The following RTTN variants were observed in gnomAD, a reference collection of about 807,000 sequenced individuals.
RTTN encodes the protein rotatin.
RTTN carries 182 observed loss-of-function variants against 269.2 expected under a neutral mutation model. That is an observed-to-expected ratio of 0.68 (90% confidence interval 0.60 to 0.76). The LOEUF (loss-of-function observed/expected upper bound fraction) is 0.76, where lower values mean the gene tolerates loss of function less well. Among genes scored for constraint, RTTN ranks in the 30% least tolerant of loss-of-function variants. The pLI, the probability that RTTN is intolerant of heterozygous loss-of-function variation, is 0.00. For synonymous variants in RTTN, 1,006 were observed against 963.5 expected, an observed-to-expected ratio of 1.04 and a Z score of -0.82; for missense variants, 2,545 against 2,608.6, an observed-to-expected ratio of 0.98 and a Z score of 0.53.
At chr18:70,159,615 T>C (rs546471271) in intron 14 of RTTN, among the ~76,000 whole-genome samples, 1 of 151,676 alleles carries the variant, frequency 6.6e-6, no homozygotes, top group Admixed American at 6.6e-5. Context: ...ACACAAAAAT[T>C]CACACAAAAG....
Position 70,106,652 on chromosome 18 carries a change from T to C in RTTN, c.3903+2846A>G, listed in dbSNP as rs75795486. Among the ~76,000 whole-genome samples, 732 of 152,062 alleles carry C rather than the reference T, an allele frequency of 4.8e-3. 3 individuals are homozygous for C. Among genetic ancestry groups the C allele is most frequent in the African/African-American group, 0.017 (689 of 41,478 alleles). On this transcript the variant is annotated intron_variant, in intron 28 of 48. Transcript: ENST00000640769. ...TCAGAGATGTGGGAAAAAACTACAA[T>C]GGAGGCAAATCTCTAAATGCAAAAT...
intron 42 of RTTN, 100 bp downstream of exon 42, chr18:70,029,912 C>T: frequency 1.3e-6 from 1 of 797,798 alleles, no homozygotes; most frequent in East Asian, 2.5e-5. Context: ...TACCTTTCTT[C>T]TAAATGAGAC....
chr18:70,072,164 C>T (rs918209280), intron 34 of RTTN, among the ~76,000 whole-genome samples: 5 of 151,890 alleles, frequency 3.3e-5, no homozygotes, highest in South Asian at 2.1e-4. Flanking sequence ...AATTAGGGTA[C>T]GAAGACTATT....
chr18:70,065,760 C>A (rs2058116019), intron 35 of RTTN, 69 bp downstream of exon 35: 1 of 1,035,106 alleles, frequency 9.7e-7, no homozygotes, highest in Admixed American at 2.6e-5. Context: ...CATTTACTTT[C>A]AAAATATCTG....
At chr18:70,186,073 TC>T (rs376667723) in intron 10 of RTTN, among the ~76,000 whole-genome samples, 4 of 109,408 alleles carry the variant, frequency 3.7e-5, no homozygotes, top group African/African-American at 1.2e-4. Context: ...GAATGCCCTC[TC>T]CCCCCCAAAA....
Position 70,118,617 on chromosome 18 carries a change from C to T in RTTN, c.3528+2939G>A, listed in dbSNP as rs542976278. On this transcript the variant is annotated intron_variant, in intron 26 of 48. Coordinates refer to ENST00000640769, the MANE Select transcript of RTTN (RefSeq NM_173630.4). ...GCATTACACTGATACCAAAGCCAGA[C>T]GTGGGAACTACAAGAAAAGAAAATT... 4.3e-3 allele frequency among the ~76,000 whole-genome samples: 657 copies of T among 152,150 alleles called. 2 individuals carry two copies. The highest frequency in any genetic ancestry group is 6.5e-3 in the Non-Finnish European group (445 of 67,954).
intron 14 of RTTN, among the ~76,000 whole-genome samples, chr18:70,153,058 C>T (rs569606602): frequency 6.6e-6 from 1 of 152,130 alleles, no homozygotes; most frequent in South Asian, 2.1e-4. Flanking sequence ...ACCTGAAAAG[C>T]AGAGGCTTTT....
rs1486532247 is a variant in RTTN, at chr18:70,019,706, T to C, written c.6153+909A>G. 8 of 152,290 alleles carry C rather than the reference T, an allele frequency of 5.3e-5. No individual in the cohort carries two copies. In the East Asian group the frequency reaches 1.2e-3, roughly 22 times the overall value. 9.4% of individuals were successfully genotyped at this position (152,290 alleles called of 1,614,324 possible). A position where few individuals can be genotyped will look rare whatever the true frequency, so the allele number is the denominator to read the frequency against. On this transcript the variant is annotated intron_variant, in intron 45 of 48. Transcript: ENST00000640769. The stretch of plus-strand genomic sequence containing the variant: ...TTATAAAATTCCTGCAAATTTAAGA[T>C]GACACTCATGAGTCAGTAGGAGGCT...
intron 14 of RTTN, among the ~76,000 whole-genome samples, chr18:70,162,988 A>G (rs2060880344): frequency 1.4e-5 from 2 of 147,056 alleles, no homozygotes. Context: ...AAAACAGTAT[A>G]AGTGATAATC....
At chr18:70,165,512 T>G (rs937802228) in intron 14 of RTTN, among the ~76,000 whole-genome samples, 1 of 151,904 alleles carries the variant, frequency 6.6e-6, no homozygotes, top group Non-Finnish European at 1.5e-5. Flanking sequence ...AAATAGTACT[T>G]ACAAGAGTGT....
chr18:70,155,914 G>A (rs752752799), intron 14 of RTTN, among the ~76,000 whole-genome samples: 43 of 151,002 alleles, frequency 2.8e-4, no homozygotes, highest in Middle Eastern at 3.4e-3. Context: ...CAATAAATAC[G>A]CTTGTGATTT....
At chr18:70,193,175 T>G in intron 8 of RTTN, 113 bp downstream of exon 8, 2 of 843,986 alleles carry the variant, frequency 2.4e-6, no homozygotes, top group Non-Finnish European at 3.5e-6. Context: ...TGTTAATGTT[T>G]CAAAAAAAAA....
chr18:70,015,483 C>G (rs1302497869), intron 46 of RTTN, among the ~76,000 whole-genome samples: 1 of 152,166 alleles, frequency 6.6e-6, no homozygotes, highest in Non-Finnish European at 1.5e-5. Context: ...TTTAAGCTGG[C>G]TGACTCTGCT....
chr18:70,051,423 T>C lies in RTTN; in HGVS notation c.5311A>G (p.Thr1771Ala). 2 of 1,612,680 alleles carry C rather than the reference T, an allele frequency of 1.2e-6. No homozygotes were observed. Among genetic ancestry groups the C allele is most frequent in the Non-Finnish European group, 1.7e-6 (2 of 1,179,622 alleles). Residue 1771 changes from threonine to alanine, a missense_variant, in exon 39 of 49, where the codon ACA becomes GCA. Thr to Ala is a moderately conservative substitution (Grantham distance 58). Transcript: ENST00000640769. Reference sequence around the variant, plus strand: ...AGTATCTTCTTACCAATCGCCGCTGTCCAGTGCTTGGCCAGGGCCACGGTA... The same window carrying C: ...AGTATCTTCTTACCAATCGCCGCTGCCCAGTGCTTGGCCAGGGCCACGGTA... ...FVTVALAKHW[T>A]AAIDMFCTCA...
At position 70,109,666 on chromosome 18, in the gene RTTN, C is replaced by G; in HGVS notation, c.3735G>C (p.Leu1245=). The G allele has an allele frequency of 6.2e-7, 1 of 1,614,032 alleles. No homozygotes were observed. Among genetic ancestry groups the G allele is most frequent in the Non-Finnish European group, 8.5e-7 (1 of 1,180,012 alleles). The change falls in exon 28 of 49, where the codon CTG becomes CTC. Residue 1245 remains leucine, a synonymous_variant. Transcript: ENST00000640769. ...CATCCGTCACTTTCAGACACTGGAGCAGTTTCAGAGCCAGCTGCGTTTGAA... is the reference window on the plus strand; with the variant it reads ...CATCCGTCACTTTCAGACACTGGAGGAGTTTCAGAGCCAGCTGCGTTTGAA... ...YVFQTQLALK[L]LQCLKVTDAP...
At chr18:70,090,324 A>G (rs1266952745) in intron 30 of RTTN, among the ~76,000 whole-genome samples, 1 of 152,236 alleles carries the variant, frequency 6.6e-6, no homozygotes, top group Non-Finnish European at 1.5e-5. Flanking sequence ...TATCTATGGT[A>G]AAGTTTACAA....
intron 40 of RTTN, among the ~76,000 whole-genome samples, chr18:70,033,717 C>T (rs550707215): frequency 1.3e-3 from 199 of 151,758 alleles, no homozygotes; most frequent in Non-Finnish European, 2.3e-3. Flanking sequence ...AAGAAATAAT[C>T]AGAATCAGAG....
chr18:70,152,177 G>C (rs1191765263), intron 14 of RTTN, among the ~76,000 whole-genome samples: 1 of 150,606 alleles, frequency 6.6e-6, no homozygotes, highest in Non-Finnish European at 1.5e-5. Flanking sequence ...CTCAGTAGTT[G>C]ATCCTATCAA....
intron 28 of RTTN, among the ~76,000 whole-genome samples, chr18:70,093,838 CTCTTT>C (rs113173268): frequency 0.029 from 4,400 of 152,194 alleles, 222 homozygotes; most frequent in African/African-American, 0.1. Context: ...GGAGGATTCC[CTCTTT>C]TCTATCATTT....
Sources: gnomAD v4.1 joint callset for allele counts (sites outside exome capture counted in the v4.1 genomes callset) on GRCh38, gnomAD v4.1.1 for gene constraint, MANE v1.5 for transcripts, NCBI Gene and HGNC (gene_info 2026-07-23, HGNC 2026-07-21) for gene names.